Variants in SLC35D4 observed in about 807,000 individuals in gnomAD.
SLC35D4 encodes UDP-N-acetylglucosamine transporter SLC35D4.
At chr18:23,315,824 C>T in the SLC35D4 span, among the ~76,000 whole-genome samples, 1 of 152,114 alleles carries the variant, frequency 6.6e-6, no homozygotes, top group Non-Finnish European at 1.5e-5. Context: ...CTGACTGGGG[C>T]CTGGGAGGCA....
chr18:23,275,077 T>C, the SLC35D4 span, among the ~76,000 whole-genome samples: 3 of 147,600 alleles, frequency 2.0e-5, no homozygotes, highest in African/African-American at 5.3e-5. Flanking sequence ...CTTGTGTGTG[T>C]GTGTGCTTGT....
At chr18:23,242,048 G>A in the SLC35D4 span, among the ~76,000 whole-genome samples, 1 of 152,166 alleles carries the variant, frequency 6.6e-6, no homozygotes, top group East Asian at 1.9e-4. Flanking sequence ...GGCCGAGGCG[G>A]GTGGATCACC....
the SLC35D4 span, among the ~76,000 whole-genome samples, chr18:23,380,324 T>C: frequency 1 from 151,593 of 152,184 alleles, 75,507 homozygotes; most frequent in Middle Eastern, 1. Flanking sequence ...GCCCATCACC[T>C]GCCTGCCAGT....
At chr18:23,418,144 A>G in the SLC35D4 span, among the ~76,000 whole-genome samples, 1 of 152,138 alleles carries the variant, frequency 6.6e-6, no homozygotes, top group Admixed American at 6.6e-5. Context: ...AGGATACTAT[A>G]TCATGAAAAT....
chr18:23,371,935 G>GTTTTTT, the SLC35D4 span, among the ~76,000 whole-genome samples: 7 of 35,472 alleles, frequency 2.0e-4, 1 homozygote, highest in African/African-American at 5.9e-4. Context: ...TGTTTTTTTT[G>GTTTTTT]TTTTTTTTTT....
chr18:23,363,499 C>T, the SLC35D4 span, among the ~76,000 whole-genome samples: 5 of 150,556 alleles, frequency 3.3e-5, no homozygotes, highest in African/African-American at 7.3e-5. Context: ...GTCAGCCTCC[C>T]GAGTAGCTGG....
the SLC35D4 span, chr18:23,377,823 T>C: frequency 1.6e-6 from 1 of 644,440 alleles, no homozygotes; most frequent in South Asian, 3.8e-5. Context: ...TTGAGGCTTT[T>C]TCTGCTTGGG....
the SLC35D4 span, among the ~76,000 whole-genome samples, chr18:23,396,114 G>T: frequency 6.6e-6 from 1 of 152,288 alleles, no homozygotes; most frequent in East Asian, 1.9e-4. Flanking sequence ...TCATTTGGTT[G>T]TGAGTCTGAG....
chr18:23,322,772 G>A, the SLC35D4 span, among the ~76,000 whole-genome samples: 7 of 152,200 alleles, frequency 4.6e-5, no homozygotes, highest in African/African-American at 2.4e-5. Flanking sequence ...AATAAAAGGC[G>A]AAGTAATGTC....
chr18:23,341,025 C>G, the SLC35D4 span, among the ~76,000 whole-genome samples: 3 of 152,156 alleles, frequency 2.0e-5, no homozygotes, highest in Non-Finnish European at 4.4e-5. Context: ...TCACACACAC[C>G]ACATCTTCCT....
the SLC35D4 span, among the ~76,000 whole-genome samples, chr18:23,353,923 AG>A: frequency 6.6e-6 from 1 of 152,216 alleles, no homozygotes; most frequent in Non-Finnish European, 1.5e-5. Flanking sequence ...CTTTTAGAAC[AG>A]TAAGATTACC....
At chr18:23,381,810 T>C in the SLC35D4 span, among the ~76,000 whole-genome samples, 1 of 152,146 alleles carries the variant, frequency 6.6e-6, no homozygotes, top group Non-Finnish European at 1.5e-5. Context: ...TAACCCTCAG[T>C]CCTACCGTCA....
At chr18:23,355,343 A>C in the SLC35D4 span, among the ~76,000 whole-genome samples, 2 of 152,132 alleles carry the variant, frequency 1.3e-5, no homozygotes, top group Admixed American at 6.5e-5. Context: ...CCAAATAACC[A>C]AACAATGGTT....
the SLC35D4 span, among the ~76,000 whole-genome samples, chr18:23,404,384 A>G: frequency 1.3e-5 from 2 of 151,936 alleles, no homozygotes; most frequent in African/African-American, 4.8e-5. Flanking sequence ...TCCTTATAAA[A>G]CAGCCCCAGG....
At chr18:23,331,844 T>TATTATGA in the SLC35D4 span, among the ~76,000 whole-genome samples, 1 of 151,844 alleles carries the variant, frequency 6.6e-6, no homozygotes, top group Non-Finnish European at 1.5e-5. Context: ...AGTTAGGTGC[T>TATTATGA]ATTATGAATA....
the SLC35D4 span, among the ~76,000 whole-genome samples, chr18:23,352,543 C>T: frequency 6.6e-6 from 1 of 152,024 alleles, no homozygotes; most frequent in Admixed American, 6.6e-5. Flanking sequence ...AGGCCTCTGG[C>T]TAAATCATGA....
the SLC35D4 span, among the ~76,000 whole-genome samples, chr18:23,364,329 C>A: frequency 1.3e-5 from 2 of 151,766 alleles, no homozygotes; most frequent in East Asian, 1.9e-4. Context: ...TAAAAAAAAA[C>A]AAAAACAAAA....
At chr18:23,435,815 C>A in the SLC35D4 span, among the ~76,000 whole-genome samples, 1 of 152,192 alleles carries the variant, frequency 6.6e-6, no homozygotes, top group Non-Finnish European at 1.5e-5. Flanking sequence ...CATGCCTCAG[C>A]CTCCTGAGTA....
the SLC35D4 span, among the ~76,000 whole-genome samples, chr18:23,317,176 C>T: frequency 1.5e-5 from 2 of 129,210 alleles, no homozygotes; most frequent in Admixed American, 1.7e-4. Context: ...CACACACACA[C>T]ACACACCCCA....
Sources: gnomAD v4.1 joint callset for allele counts (sites outside exome capture counted in the v4.1 genomes callset) on GRCh38, gnomAD v4.1.1 for gene constraint, MANE v1.5 for transcripts, NCBI Gene and HGNC (gene_info 2026-07-23, HGNC 2026-07-21) for gene names.